LAMA1: variants seen among roughly 807,000 people sequenced by gnomAD.
The protein encoded by LAMA1 is laminin subunit alpha-1.
Under a neutral mutation model 348.7 loss-of-function variants are expected in LAMA1, and 219 were observed. That is an observed-to-expected ratio of 0.63 (90% CI 0.56 to 0.70). The LOEUF (loss-of-function observed/expected upper bound fraction) is 0.70. Ranked by LOEUF, LAMA1 falls within the 30% of genes least tolerant of loss-of-function variation. LAMA1 has a pLI of 0.00. For synonymous variants in LAMA1, 1,487 were observed against 1,491.0 expected (o/e 1.00, Z 0.06); for missense variants, 3,744 against 3,888.0 (o/e 0.96, Z 0.99).
chr18:6,955,089 C>T (rs1056160153), intron 57 of LAMA1: 22 of 500,668 alleles, frequency 4.4e-5, no homozygotes, highest in African/African-American at 5.8e-5. Context: ...GATGCCCACA[C>T]GCTTCCTTAC....
At position 6,950,762 on chromosome 18, in the gene LAMA1, C is replaced by G. The variant is rs2057542672; in HGVS notation, c.8397+20G>C. On this transcript the variant is annotated intron_variant, in intron 58 of 62. Coordinates refer to ENST00000389658, the MANE Select transcript of LAMA1 (RefSeq NM_005559.4). ...GAACAGAACTCAGAAGCAGCCACCACAAGCCTCCTGAGATCGTACCGTGTG... is the reference window on the plus strand; with the variant it reads ...GAACAGAACTCAGAAGCAGCCACCAGAAGCCTCCTGAGATCGTACCGTGTG... The G allele has an allele frequency of 3.1e-6, 5 of 1,613,512 alleles. No homozygotes were observed. The highest frequency in any genetic ancestry group is 4.2e-6 in the Non-Finnish European group (5 of 1,179,746).
In LAMA1 at chr18:6,982,584, C is replaced by A; in HGVS notation, c.5803G>T (p.Glu1935Ter). 6.2e-7 allele frequency: 1 copy of A among 1,614,046 alleles called. No homozygotes were observed. The highest frequency in any genetic ancestry group is 1.1e-5 in the South Asian group (1 of 91,066). Residue 1935 changes from glutamate to a stop codon, truncating the protein, a stop_gained, in exon 41 of 63, where the codon GAA becomes TAA. Coordinates refer to ENST00000389658, the MANE Select transcript of LAMA1 (RefSeq NM_005559.4). LOFTEE classifies it high-confidence loss of function. ...RTVTETSLLSESLVSNGKAAV... is the reference protein window; with the variant it reads ...RTVTETSLLS The stretch of plus-strand genomic sequence containing the variant: ...GCTTTCCCGTTAGAAACAAGGGATT[C>A]TGAGAGCTGGAAAACAGAACCACTT...
At chr18:6,966,357 C>T (rs1241819883) in intron 48 of LAMA1, 60 bp from the exon 49 acceptor site, 22 of 1,461,728 alleles carry the variant, frequency 1.5e-5, no homozygotes, top group Non-Finnish European at 2.1e-5. Flanking sequence ...GAACCAAGAA[C>T]ACACTTACTG....
chr18:6,995,583 TG>T, intron 33 of LAMA1, 137 bp from the exon 34 acceptor site: 1 of 665,650 alleles, frequency 1.5e-6, no homozygotes. Context: ...TAAAAAAAAA[TG>T]GATCACATTT....
At chr18:7,107,988 T>C (rs2058320538) in intron 1 of LAMA1, among the ~76,000 whole-genome samples, 1 of 148,438 alleles carries the variant, frequency 6.7e-6, no homozygotes, top group African/African-American at 2.5e-5. Flanking sequence ...CACTCCAGCC[T>C]GGGCGACAGA....
intron 54 of LAMA1, 131 bp from the exon 55 acceptor site, chr18:6,958,793 A>G (rs553901901): frequency 4.1e-6 from 3 of 728,088 alleles, no homozygotes; most frequent in African/African-American, 3.6e-5. Flanking sequence ...TTAACAAGAC[A>G]CTGTCTGTGA....
chr18:6,984,645 C>T (rs904620819), intron 39 of LAMA1, among the ~76,000 whole-genome samples: 2 of 152,092 alleles, frequency 1.3e-5, no homozygotes, highest in Non-Finnish European at 2.9e-5. Flanking sequence ...TTGTGCTTCT[C>T]GTTTAAAGGA....
Position 6,975,015 on chromosome 18 carries a change from T to C in LAMA1, c.6511A>G (p.Met2171Val), listed in dbSNP as rs1432922457. The change falls in exon 46 of 63, where the codon ATG (methionine) becomes GTG (valine). Residue 2171 changes from methionine to valine, a missense_variant. Transcript: ENST00000389658. ...STASDFLAVEMRRGRVAFLWD... is the reference protein window; with the variant it reads ...STASDFLAVEVRRGRVAFLWD... Reference sequence around the variant, plus strand: ...AGGAAGGCCACTCTCCCTCGCCGCATCTCCACTGCAAGGAAATCAGACTGG... The same window carrying C: ...AGGAAGGCCACTCTCCCTCGCCGCACCTCCACTGCAAGGAAATCAGACTGG... 1.2e-6 allele frequency: 2 copies of C among 1,613,868 alleles called. No homozygotes were observed. Among genetic ancestry groups the C allele is most frequent in the South Asian group, 1.1e-5 (1 of 91,056 alleles).
intron 53 of LAMA1, 39 bp from the exon 54 acceptor site, chr18:6,959,531 A>AT: frequency 6.2e-7 from 1 of 1,610,294 alleles, no homozygotes; most frequent in South Asian, 1.1e-5. Context: ...GACAAAACAC[A>AT]TTACTATATG....
intron 3 of LAMA1, among the ~76,000 whole-genome samples, chr18:7,066,892 C>T (rs958486731): frequency 1.2e-4 from 18 of 152,072 alleles, no homozygotes; most frequent in Admixed American, 1.0e-3. Flanking sequence ...GGAATCGACA[C>T]TAAAAAATAA....
Position 7,040,206 on chromosome 18 carries a change from TC to T in LAMA1, c.1291del (p.Glu431LysfsTer62). 1 of 1,614,050 alleles carries T rather than the reference TC, an allele frequency of 6.2e-7. No individual in the cohort carries two copies. The highest frequency in any genetic ancestry group is 8.5e-7 in the Non-Finnish European group (1 of 1,180,018). ...ATCACATTTTTCTCCTGTATAACCT[TC>T]CTTACATGGGCACTGACCTGGCTGC... ...GKQPGQCPCK[E>X]GYTGEKCDRC... On this transcript the variant is annotated frameshift_variant, in exon 10 of 63. Transcript: ENST00000389658. LOFTEE classifies it high-confidence loss of function.
chr18:6,977,236 C>G lies in LAMA1; in HGVS notation c.6345+491G>C, dbSNP rs1305391198. Reference sequence around the variant, plus strand: ...TCCAGTGCCTCAGGCATTTAGTGACCTGGATTTGTGCAGCCTTCGTTGCAT... The same window carrying G: ...TCCAGTGCCTCAGGCATTTAGTGACGTGGATTTGTGCAGCCTTCGTTGCAT... On this transcript the variant is annotated intron_variant, in intron 44 of 62. Coordinates refer to ENST00000389658, the MANE Select transcript of LAMA1 (RefSeq NM_005559.4). 2.0e-5 allele frequency among the ~76,000 whole-genome samples: 3 copies of G among 152,206 alleles called. No homozygotes were observed. In the East Asian group the frequency reaches 5.8e-4, roughly 29 times the overall value.
rs2057604633 is a variant in LAMA1, at chr18:6,961,010, A to C, written c.7626+576T>G. On this transcript the variant is annotated intron_variant, in intron 53 of 62. Coordinates refer to ENST00000389658, the MANE Select transcript of LAMA1 (RefSeq NM_005559.4). Reference sequence around the variant, plus strand: ...TTAAGACAGTGTGCTAACATTCTGTAAAGTCTCTTCAAATTATGTGATAGA... The same window carrying C: ...TTAAGACAGTGTGCTAACATTCTGTCAAGTCTCTTCAAATTATGTGATAGA... Among the ~76,000 whole-genome samples the C allele has an allele frequency of 2.6e-5, 4 of 152,230 alleles. No homozygotes were observed. In the South Asian group the frequency reaches 8.3e-4, roughly 31 times the overall value.
Position 7,015,855 on chromosome 18 carries a change from C to T in LAMA1, c.2993G>A (p.Cys998Tyr). 6.2e-7 allele frequency: 1 copy of T among 1,614,140 alleles called. No individual in the cohort carries two copies. The highest frequency in any genetic ancestry group is 8.5e-7 in the Non-Finnish European group (1 of 1,180,034). The stretch of plus-strand genomic sequence containing the variant: ...GGTATTCTGAGTGTGTGGGCAGTCA[C>T]AGGCTGAAATAAAGATGAATGCTGG... Reference protein sequence around the residue: ...YAYQDGSCTPCDCPHTQNTCD... With the variant: ...YAYQDGSCTPYDCPHTQNTCD... The change falls in exon 22 of 63, where the codon TGT becomes TAT. Residue 998 changes from cysteine to tyrosine, a missense_variant. Physicochemically the swap from Cys to Tyr is radical, Grantham distance 194 (BLOSUM62 -2). This residue lies in a region of LAMA1 where 1,529 missense variants were observed against 1,689.4 expected (regional missense o/e 0.91). Transcript: ENST00000389658.
At chr18:7,093,597 G>A (rs1311976642) in intron 1 of LAMA1, among the ~76,000 whole-genome samples, 1 of 152,122 alleles carries the variant, frequency 6.6e-6, no homozygotes, top group African/African-American at 2.4e-5. Context: ...TTCTCTGTGA[G>A]AGGTGTGCAC....
rs748978032 is a variant in LAMA1 at position 6,974,939 on chromosome 18, A to G, written c.6587T>C (p.Ile2196Thr). 5 of 1,613,960 alleles carry G rather than the reference A, an allele frequency of 3.1e-6. No individual in the cohort carries two copies. Among genetic ancestry groups the G allele is most frequent in the Non-Finnish European group, 3.4e-6 (4 of 1,180,026 alleles). Residue 2196 changes from isoleucine to threonine, a missense_variant, in exon 46 of 63, where the codon ATT becomes ACT. Ile to Thr is a moderately conservative substitution (Grantham distance 89). This residue lies in a region of LAMA1 where 1,983 missense variants were observed against 1,934.3 expected (regional missense o/e 1.03). Transcript: ENST00000389658. ...GATACTGTGCCATCTGTTGTCATCA[A>G]TGGGAAAGTCTGGAAACTCCAAGCG... ...STRLEFPDFP[I>T]DDNRWHSIHV...
chr18:6,977,254 C>A lies in LAMA1; in HGVS notation c.6345+473G>T, dbSNP rs549466514. On this transcript the variant is annotated intron_variant, in intron 44 of 62. Transcript: ENST00000389658. ...TAGTGACCTGGATTTGTGCAGCCTT[C>A]GTTGCATACAAACTGTTTTCTCAGA... Among the ~76,000 whole-genome samples the A allele has an allele frequency of 1.1e-3, 164 of 152,292 alleles. 2 individuals carry two copies. The highest frequency in any genetic ancestry group is 3.1e-4 in the Non-Finnish European group (21 of 68,020).
intron 41 of LAMA1, among the ~76,000 whole-genome samples, chr18:6,980,970 G>A (rs1340917764): frequency 1.3e-5 from 2 of 152,134 alleles, no homozygotes; most frequent in African/African-American, 4.8e-5. Context: ...AGACGTGGTG[G>A]TGGGCGCCTG....
At position 7,012,087 on chromosome 18, in the gene LAMA1, G is replaced by A. The variant is rs931011402; in HGVS notation, c.3415C>T (p.Leu1139Phe). The A allele has an allele frequency of 6.2e-6, 10 of 1,613,630 alleles. No homozygotes were observed. Among genetic ancestry groups the A allele is most frequent in the Non-Finnish European group, 8.5e-6 (10 of 1,179,780 alleles). The change falls in exon 24 of 63, where the codon CTC becomes TTC. Residue 1139 changes from leucine to phenylalanine, a missense_variant. By Grantham distance (22) the Leu-to-Phe change is conservative. This residue lies in a region of LAMA1 where 1,529 missense variants were observed against 1,689.4 expected (regional missense o/e 0.91). Transcript: ENST00000389658. ...CAGCCCAGGGGGTTGTCTGCGCGGA[G>A]AGCGAAGGTGCCCTCTCGACATTCG... Reference protein sequence around the residue: ...CNECREGTFALRADNPLGCSP... With the variant: ...CNECREGTFAFRADNPLGCSP...
Sources: allele counts gnomAD v4.1 joint callset (sites outside exome capture counted in the v4.1 genomes callset), GRCh38; gene constraint gnomAD v4.1.1; regional missense constraint gnomAD v4.1.1; transcripts MANE v1.5; gene names NCBI Gene and HGNC (gene_info 2026-07-23, HGNC 2026-07-21).